Variants in MEGF6 observed in about 807,000 individuals in gnomAD.
The protein encoded by MEGF6 is multiple epidermal growth factor-like domains protein 6.
In MEGF6, 184 loss-of-function variants were observed where a neutral mutation model predicts 207.1. That is an observed-to-expected ratio of 0.89 (90% confidence interval 0.79 to 1.00). The LOEUF (loss-of-function observed/expected upper bound fraction) is 1.00, where lower values mean the gene tolerates loss of function less well. MEGF6 is among the 50% of genes least tolerant of loss of function. The pLI is 0.00. For synonymous variants in MEGF6, 1,038 were observed against 910.0 expected (o/e 1.14, Z -2.53); for missense variants, 2,282 against 2,202.9 (o/e 1.04, Z -0.72).
Position 3,499,261 on chromosome 1 carries a change from G to C in MEGF6, c.2971C>G (p.Pro991Ala), listed in dbSNP as rs1468072398. 6.2e-7 allele frequency: 1 copy of C among 1,604,372 alleles called. No homozygotes were observed. The change falls in exon 24 of 37, where the codon CCA (proline) becomes GCA (alanine). Residue 991 changes from proline (P) to alanine (A), a missense_variant. Physicochemically the swap from Pro to Ala is conservative, Grantham distance 27. Transcript: ENST00000356575. ...CAATTGTGCCCGTAGGTGTGGGCTG[G>C]GCAGGCTGCAGGTGGAGAGGGCTGG... Reference protein sequence around the residue: ...RRGPRCAETCPAHTYGHNCSQ... With the variant: ...RRGPRCAETCAAHTYGHNCSQ...
intron 1 of MEGF6, 56 bp downstream of exon 1, chr1:3,611,081 CA>C: frequency 1.4e-6 from 2 of 1,415,844 alleles, no homozygotes; most frequent in Non-Finnish European, 1.8e-6. Context: ...CACGGGCCTC[CA>C]GAGGCCCCGG....
At chr1:3,605,133 C>G (rs1355642096) in intron 1 of MEGF6, among the ~76,000 whole-genome samples, 2 of 134,870 alleles carry the variant, frequency 1.5e-5, no homozygotes, top group Admixed American at 7.7e-5. Flanking sequence ...CATACACACA[C>G]CCACACACAG....
chr1:3,606,838 C>T (rs1644256161), intron 1 of MEGF6, among the ~76,000 whole-genome samples: 1 of 152,182 alleles, frequency 6.6e-6, no homozygotes, highest in South Asian at 2.1e-4. Context: ...CAGGGTCCAG[C>T]CCCTGACTCT....
At chr1:3,597,413 G>GCCAC (rs1350810298) in intron 2 of MEGF6, among the ~76,000 whole-genome samples, 2 of 152,098 alleles carry the variant, frequency 1.3e-5, no homozygotes, top group Admixed American at 6.5e-5. Context: ...GGCCACCTGT[G>GCCAC]CCACCTGCCC....
In MEGF6 at chr1:3,572,173, G is replaced by A. The variant is rs568885369; in HGVS notation, c.481+7652C>T. Among the ~76,000 whole-genome samples the A allele has an allele frequency of 1.3e-3, 178 of 134,934 alleles. 2 individuals are homozygous for A. Among genetic ancestry groups the A allele is most frequent in the African/African-American group, 4.7e-3 (164 of 34,678 alleles). The allele number at this position is 134,934 out of a possible 152,430, so 88.5% of individuals were successfully genotyped here. ...TCTCTCAGGTGTGCTGGGTCCTCCTGGGTGTGCTGGGTCCTCCTGGGTGTG... is the reference window on the plus strand; with the variant it reads ...TCTCTCAGGTGTGCTGGGTCCTCCTAGGTGTGCTGGGTCCTCCTGGGTGTG... On this transcript the variant is annotated intron_variant, in intron 4 of 36. Coordinates refer to ENST00000356575, the MANE Select transcript of MEGF6 (RefSeq NM_001409.4).
intron 4 of MEGF6, among the ~76,000 whole-genome samples, chr1:3,561,802 T>G (rs1643209906): frequency 6.6e-6 from 1 of 152,238 alleles, no homozygotes; most frequent in South Asian, 2.1e-4. Flanking sequence ...TCTGACAGTT[T>G]CTCTGCTTAC....
chr1:3,491,964 G>T (rs1640390345), intron 35 of MEGF6, among the ~76,000 whole-genome samples: 1 of 151,764 alleles, frequency 6.6e-6, no homozygotes. Context: ...TGTGCCCCCT[G>T]CCGCACATGC....
chr1:3,561,699 G>A (rs983823364), intron 4 of MEGF6, among the ~76,000 whole-genome samples: 5 of 152,184 alleles, frequency 3.3e-5, no homozygotes, highest in Admixed American at 6.5e-5. Context: ...TTCCAGAAAC[G>A]CAGAAGCAGC....
chr1:3,613,426 T>A (rs1252641195), upstream of MEGF6, among the ~76,000 whole-genome samples: 1 of 152,208 alleles, frequency 6.6e-6, no homozygotes, highest in Non-Finnish European at 1.5e-5. Context: ...TACATCTGAT[T>A]CCTGCTCTTT....
chr1:3,599,881 C>T (rs577504196), intron 2 of MEGF6, among the ~76,000 whole-genome samples: 1 of 152,300 alleles, frequency 6.6e-6, no homozygotes, highest in Admixed American at 6.5e-5. Flanking sequence ...CCAGGCAGCC[C>T]AGAAAGGGTT....
rs1438683967 is a variant in MEGF6 at position 3,488,022 on chromosome 1, T to A, written c.*2506A>T. 6.6e-6 allele frequency among the ~76,000 whole-genome samples: 1 copy of A among 152,238 alleles called. No homozygotes were observed. Among genetic ancestry groups the A allele is most frequent in the East Asian group, 1.9e-4 (1 of 5,200 alleles). On this transcript the variant is annotated 3_prime_UTR_variant, in exon 37 of 37. Transcript: ENST00000356575. ...TAGATATTCATCGGATACACAGTGA[T>A]GTTTTGATACATGGGATGTCTAGTG...
At chr1:3,542,408 G>A (rs1484295691) in intron 4 of MEGF6, among the ~76,000 whole-genome samples, 1 of 152,220 alleles carries the variant, frequency 6.6e-6, no homozygotes, top group Admixed American at 6.5e-5. Context: ...GGCAGTGGAG[G>A]GAGGAAGCTG....
chr1:3,614,483 G>A (rs534994249), upstream of MEGF6, among the ~76,000 whole-genome samples: 4 of 152,334 alleles, frequency 2.6e-5, no homozygotes, highest in South Asian at 6.2e-4. Flanking sequence ...ACTACGCAGA[G>A]CACAGTAAAT....
intron 3 of MEGF6, among the ~76,000 whole-genome samples, chr1:3,591,088 C>T (rs1207835143): frequency 6.6e-6 from 1 of 152,194 alleles, no homozygotes; most frequent in Admixed American, 6.5e-5. Flanking sequence ...GGGGCTCCAG[C>T]ACCTGCAGGG....
At chr1:3,491,786 G>T (rs1279788669) in intron 35 of MEGF6, among the ~76,000 whole-genome samples, 2 of 139,972 alleles carry the variant, frequency 1.4e-5, no homozygotes, top group Non-Finnish European at 3.1e-5. Context: ...GGGGGGGGGG[G>T]TGCGGGCAGC....
intron 1 of MEGF6, among the ~76,000 whole-genome samples, chr1:3,607,938 C>T (rs1381580392): frequency 1.3e-5 from 2 of 152,030 alleles, no homozygotes; most frequent in Admixed American, 6.5e-5. Context: ...TTGGGGAGGG[C>T]GGGGATCCAG....
chr1:3,576,654 C>A (rs1643651034), intron 4 of MEGF6, among the ~76,000 whole-genome samples: 1 of 151,782 alleles, frequency 6.6e-6, no homozygotes, highest in Admixed American at 6.6e-5. Flanking sequence ...TGGTCCTGCA[C>A]ACCTGGCCCT....
At chr1:3,580,055 G>T in intron 3 of MEGF6, 126 bp from the exon 4 acceptor site, 3 of 633,030 alleles carry the variant, frequency 4.7e-6, no homozygotes, top group Non-Finnish European at 7.9e-6. Context: ...CGTTCTCTCT[G>T]TCCTAGGTCA....
At chr1:3,617,497 G>A in the MEGF6 span, among the ~76,000 whole-genome samples, 1 of 152,146 alleles carries the variant, frequency 6.6e-6, no homozygotes, top group South Asian at 2.1e-4. Flanking sequence ...TGGGGAGGGA[G>A]AGCATCAGGA....
Sources: allele counts gnomAD v4.1 joint callset (sites outside exome capture counted in the v4.1 genomes callset), GRCh38; gene constraint gnomAD v4.1.1; transcripts MANE v1.5; gene names NCBI Gene and HGNC (gene_info 2026-07-23, HGNC 2026-07-21).